CNTN4: variants seen among roughly 807,000 people sequenced by gnomAD.
CNTN4 encodes the protein contactin 4.
A neutral mutation model predicts 122.5 loss-of-function variants in CNTN4; 77 were observed. The ratio of observed to expected loss-of-function variants is 0.63; its 90% confidence interval spans 0.52 to 0.76. The LOEUF (loss-of-function observed/expected upper bound fraction) is 0.76, where lower values mean the gene tolerates loss of function less well. CNTN4 is among the 30% of genes least tolerant of loss of function. The probability of loss-of-function intolerance (pLI) is 0.00; values close to 1 mark genes in which losing one functional copy is unlikely to be tolerated. For missense variants in CNTN4, 1,256 were observed against 1,259.1 expected, an observed-to-expected ratio of 1.00 and a Z score of 0.04; for synonymous variants, 512 against 447.0, an observed-to-expected ratio of 1.15 and a Z score of -1.83.
At position 3,043,128 on chromosome 3, in the gene CNTN4, C is replaced by G; in HGVS notation, c.2663C>G (p.Ser888Cys). 6.2e-7 allele frequency: 1 copy of G among 1,614,158 alleles called. No individual in the cohort carries two copies. The highest frequency in any genetic ancestry group is 8.5e-7 in the Non-Finnish European group (1 of 1,180,032). Reference sequence around the variant, plus strand: ...TATAATTCTGCTGGGACAGGCCCCTCTAGTGCAACAGTCAATGTGACAACC... The same window carrying G: ...TATAATTCTGCTGGGACAGGCCCCTGTAGTGCAACAGTCAATGTGACAACC... ...KAYNSAGTGPSSATVNVTTRK... is the reference protein window; with the variant it reads ...KAYNSAGTGPCSATVNVTTRK... The change falls in exon 22 of 25, where the codon TCT becomes TGT. Residue 888 changes from serine to cysteine, a missense_variant. Ser to Cys is a moderately radical substitution (Grantham distance 112). Coordinates refer to ENST00000418658, the MANE Select transcript of CNTN4 (RefSeq NM_175607.3).
intron 2 of CNTN4, among the ~76,000 whole-genome samples, chr3:2,314,765 A>T (rs541828865): frequency 3.0e-4 from 46 of 152,108 alleles, no homozygotes; most frequent in African/African-American, 1.1e-3. Context: ...AAAATTTGCA[A>T]ATCTTAAACG....
At chr3:3,054,368 G>A (rs1489005252) in intron 24 of CNTN4, among the ~76,000 whole-genome samples, 1 of 152,194 alleles carries the variant, frequency 6.6e-6, no homozygotes, top group Non-Finnish European at 1.5e-5. Flanking sequence ...TTTCTCCAGT[G>A]AAACAGTGTA....
intron 3 of CNTN4, among the ~76,000 whole-genome samples, chr3:2,541,204 G>A (rs1338024381): frequency 1.3e-5 from 2 of 152,094 alleles, no homozygotes; most frequent in Admixed American, 6.6e-5. Flanking sequence ...ATTAGGTGTT[G>A]CACTTGCACA....
intron 2 of CNTN4, among the ~76,000 whole-genome samples, chr3:2,143,545 T>A (rs1026815119): frequency 1.1e-4 from 17 of 152,206 alleles, no homozygotes; most frequent in Non-Finnish European, 7.3e-5. Flanking sequence ...ACCAGCAGAT[T>A]GTAATTTTGA....
At chr3:2,751,273 A>G (rs896683155) in intron 6 of CNTN4, among the ~76,000 whole-genome samples, 5 of 152,090 alleles carry the variant, frequency 3.3e-5, no homozygotes, top group Non-Finnish European at 5.9e-5. Context: ...ACACCAGTGC[A>G]CTCCAGCCTG....
intron 13 of CNTN4, among the ~76,000 whole-genome samples, chr3:2,962,533 G>A (rs9875269): frequency 0.019 from 2,875 of 152,266 alleles, 78 homozygotes; most frequent in African/African-American, 0.065. Context: ...ATGAATCTAA[G>A]GTGTCCCTCT....
chr3:2,593,200 G>C (rs2080584605), intron 4 of CNTN4, among the ~76,000 whole-genome samples: 1 of 152,140 alleles, frequency 6.6e-6, no homozygotes, highest in Non-Finnish European at 1.5e-5. Context: ...TAATATTATA[G>C]CTGAAATTGA....
rs112819298 is a variant in CNTN4, at chr3:2,781,914, G to A, written c.358+36217G>A. Among the ~76,000 whole-genome samples, 4 of 126,142 alleles carry A rather than the reference G, an allele frequency of 3.2e-5. 1 individual carries two copies. The highest frequency in any genetic ancestry group is 6.8e-5 in the Non-Finnish European group (4 of 58,396). The allele number at this position is 126,142 out of a possible 152,430, so 82.8% of individuals were successfully genotyped here. The stretch of plus-strand genomic sequence containing the variant: ...AATTTTTTGTATTTTTAGTAGAGAC[G>A]GGGCTTCACCGTGTTAGCCAGGATG... On this transcript the variant is annotated intron_variant, in intron 6 of 24. Coordinates refer to ENST00000418658, the MANE Select transcript of CNTN4 (RefSeq NM_175607.3).
At chr3:2,307,181 A>G (rs543429348) in intron 2 of CNTN4, among the ~76,000 whole-genome samples, 1 of 152,282 alleles carries the variant, frequency 6.6e-6, no homozygotes, top group Admixed American at 6.5e-5. Flanking sequence ...CACGCCTGTA[A>G]TCCCAGCACT....
At chr3:2,836,121 A>C (rs1347804959) in intron 7 of CNTN4, among the ~76,000 whole-genome samples, 2 of 152,172 alleles carry the variant, frequency 1.3e-5, no homozygotes, top group Non-Finnish European at 2.9e-5. Context: ...GGATGAAATG[A>C]ATTATCTATT....
At chr3:2,850,849 T>C (rs2093538040) in intron 7 of CNTN4, among the ~76,000 whole-genome samples, 1 of 152,172 alleles carries the variant, frequency 6.6e-6, no homozygotes, top group Non-Finnish European at 1.5e-5. Context: ...TTTTTTCCCC[T>C]GGGGAAACTT....
At chr3:3,000,634 A>G (rs112937936) in intron 14 of CNTN4, among the ~76,000 whole-genome samples, 83 of 152,364 alleles carry the variant, frequency 5.4e-4, no homozygotes, top group African/African-American at 1.9e-3. Context: ...TGTATCAGAT[A>G]CAAGTGTGTG....
At chr3:2,756,171 G>A (rs2090328482) in intron 6 of CNTN4, among the ~76,000 whole-genome samples, 1 of 152,138 alleles carries the variant, frequency 6.6e-6, no homozygotes, top group African/African-American at 2.4e-5. Flanking sequence ...GAATCTAATT[G>A]ACTAACTATA....
intron 4 of CNTN4, among the ~76,000 whole-genome samples, chr3:2,596,782 A>T (rs1246346246): frequency 6.6e-6 from 1 of 152,186 alleles, no homozygotes; most frequent in Non-Finnish European, 1.5e-5. Context: ...GCAGATGTAA[A>T]TTATAAGGCC....
intron 2 of CNTN4, among the ~76,000 whole-genome samples, chr3:2,167,138 G>A (rs1008150081): frequency 1.3e-5 from 2 of 152,070 alleles, no homozygotes; most frequent in African/African-American, 4.8e-5. Flanking sequence ...AAACATTTTT[G>A]CATTAGCTTA....
intron 3 of CNTN4, among the ~76,000 whole-genome samples, chr3:2,518,445 T>C (rs1282929881): frequency 2.0e-5 from 3 of 152,152 alleles, no homozygotes; most frequent in Non-Finnish European, 4.4e-5. Context: ...ATGACAGTCT[T>C]CGGTCGCAAA....
At chr3:2,232,457 C>T (rs1302088613) in intron 2 of CNTN4, among the ~76,000 whole-genome samples, 1 of 152,116 alleles carries the variant, frequency 6.6e-6, no homozygotes, top group African/African-American at 2.4e-5. Context: ...AATACTAGTA[C>T]AATGCAAGTT....
intron 14 of CNTN4, among the ~76,000 whole-genome samples, chr3:2,989,557 T>C (rs1263837196): frequency 6.6e-6 from 1 of 152,228 alleles, no homozygotes; most frequent in Admixed American, 6.5e-5. Flanking sequence ...AAGTTGGAAA[T>C]GTACTACTCT....
intron 6 of CNTN4, among the ~76,000 whole-genome samples, chr3:2,811,127 C>A (rs116198050): frequency 1.3e-5 from 2 of 152,028 alleles, no homozygotes; most frequent in African/African-American, 4.8e-5. Context: ...ATTTTGGTCC[C>A]GGCCAGGTGC....
Sources: gnomAD v4.1 joint callset for allele counts (sites outside exome capture counted in the v4.1 genomes callset) on GRCh38, gnomAD v4.1.1 for gene constraint, MANE v1.5 for transcripts, NCBI Gene and HGNC (gene_info 2026-07-23, HGNC 2026-07-21) for gene names.